The following CAMSAP2 variants were observed in gnomAD, a reference collection of about 807,000 sequenced individuals.
CAMSAP2 encodes calmodulin-regulated spectrin-associated protein 2.
In CAMSAP2, 26 loss-of-function variants were observed where a neutral mutation model predicts 146.1. The observed-to-expected ratio is 0.18, with a 90% CI of 0.13 to 0.25. The LOEUF is 0.25. Ranked by LOEUF, CAMSAP2 falls within the 10% of genes least tolerant of loss-of-function variation. The pLI is 1.00. For synonymous variants in CAMSAP2, 499 were observed against 596.6 expected (o/e 0.84, Z 2.38); for missense variants, 1,381 against 1,759.3 (o/e 0.78, Z 3.85).
At chr1:200,817,337 T>G (rs1409521104) in intron 4 of CAMSAP2, among the ~76,000 whole-genome samples, 1 of 148,946 alleles carries the variant, frequency 6.7e-6, no homozygotes, top group East Asian at 2.0e-4. Context: ...AGAAGAAACA[T>G]TAACATGGAT....
intron 1 of CAMSAP2, among the ~76,000 whole-genome samples, chr1:200,756,483 A>T (rs548915545): frequency 1.3e-5 from 2 of 152,162 alleles, no homozygotes; most frequent in East Asian, 1.9e-4. Context: ...AAGAAAAAAA[A>T]GTAAGTGGTG....
intron 4 of CAMSAP2, among the ~76,000 whole-genome samples, chr1:200,830,386 G>A (rs1667012564): frequency 6.6e-6 from 1 of 152,224 alleles, no homozygotes; most frequent in South Asian, 2.1e-4. Flanking sequence ...GCAGGAGGGA[G>A]TAGAACAAAT....
chr1:200,851,285 C>T (rs1329994522), intron 11 of CAMSAP2, among the ~76,000 whole-genome samples: 7 of 152,212 alleles, frequency 4.6e-5, no homozygotes, highest in Admixed American at 6.5e-5. Context: ...ACCACAACCT[C>T]CGCCTCCTGG....
chr1:200,855,876 T>G, intron 14 of CAMSAP2, 134 bp from the exon 15 acceptor site: 3 of 615,940 alleles, frequency 4.9e-6, no homozygotes, highest in Non-Finnish European at 8.7e-6. Flanking sequence ...ATTACAGGCA[T>G]GAGCCACCGC....
Position 200,759,790 on chromosome 1 carries a change from A to T in CAMSAP2, c.140-1049A>T, listed in dbSNP as rs553303883. On this transcript the variant is annotated intron_variant, in intron 1 of 16. Transcript: ENST00000358823. ...GCTCCATGTTAACCTCTAACTCAGA[A>T]GCCCTACCTCTGGGGGACATACCTC... Among the ~76,000 whole-genome samples, 3 of 152,286 alleles carry T rather than the reference A, an allele frequency of 2.0e-5. No individual in the cohort carries two copies. The South Asian group carries it at 6.2e-4, about 32-fold the overall frequency.
rs189602702 is a variant in CAMSAP2 at position 200,748,685 on chromosome 1, A to C, written c.139+8719A>C. Among the ~76,000 whole-genome samples the C allele has an allele frequency of 1.4e-3, 220 of 152,042 alleles. 1 individual carries two copies. Among genetic ancestry groups the C allele is most frequent in the African/African-American group, 5.2e-3 (217 of 41,482 alleles). On this transcript the variant is annotated intron_variant, in intron 1 of 16. Transcript: ENST00000358823. ...CAGTTTGGAGCTCCATGATATTAAC[A>C]AGTTTCTCTTTGTCCTCTGTATTCG... is the stretch of plus-strand genomic sequence containing the variant.
chr1:200,780,217 T>A (rs1327274694), intron 2 of CAMSAP2, among the ~76,000 whole-genome samples: 7 of 152,246 alleles, frequency 4.6e-5, no homozygotes, highest in African/African-American at 1.7e-4. Context: ...ATTAGTGTTT[T>A]AAAGGATCCT....
chr1:200,841,939 C>T (rs1667333203), intron 6 of CAMSAP2, 55 bp from the exon 7 acceptor site: 1 of 1,198,150 alleles, frequency 8.3e-7, no homozygotes, highest in South Asian at 1.2e-5. Context: ...CAATAAAATT[C>T]TGTTTATCAT....
rs1667662689 is a variant in CAMSAP2 at position 200,853,011 on chromosome 1, A to G, written c.3603-264A>G. Among the ~76,000 whole-genome samples the G allele has an allele frequency of 1.8e-5, 2 of 113,392 alleles. No homozygotes were observed. Among genetic ancestry groups the G allele is most frequent in the South Asian group, 2.6e-4 (1 of 3,898 alleles). 74.4% of individuals were successfully genotyped at this position (113,392 alleles called of 152,430 possible). On this transcript the variant is annotated intron_variant, in intron 12 of 16. Coordinates refer to ENST00000358823, the MANE Select transcript of CAMSAP2 (RefSeq NM_203459.4). This position sits in a 1 kb window ranked among gnomAD's most constrained non-coding sequence, Gnocchi z 5.1. ...ACTTTCCTGGGAGATACACACACAC[A>G]CACACACACACACACACACGACCTA...
chr1:200,748,843 C>A (rs1188625733), intron 1 of CAMSAP2, among the ~76,000 whole-genome samples: 1 of 151,162 alleles, frequency 6.6e-6, no homozygotes, highest in East Asian at 1.9e-4. Context: ...TCTATCATGA[C>A]TTCTCTATTT....
chr1:200,853,547 G>A lies in CAMSAP2; in HGVS notation c.3823+52G>A. 7.3e-7 allele frequency: 1 copy of A among 1,378,566 alleles called. No homozygotes were observed. Among genetic ancestry groups the A allele is most frequent in the South Asian group, 1.2e-5 (1 of 82,040 alleles). The allele number at this position is 1,378,566 out of a possible 1,614,324, so 85.4% of individuals were successfully genotyped here. ...GTTCATAAAAAACACCAGCTTGATT[G>A]GTTTGTCATACTAACTTGGTTGTAC... On this transcript the variant is annotated intron_variant, in intron 13 of 16. Transcript: ENST00000358823. The surrounding 1 kb of genome is among the most constrained non-coding windows in gnomAD (Gnocchi z 5.1).
intron 1 of CAMSAP2, among the ~76,000 whole-genome samples, chr1:200,741,712 C>T (rs997700107): frequency 4.6e-5 from 7 of 152,002 alleles, no homozygotes; most frequent in South Asian, 2.1e-4. Flanking sequence ...CAGGCAGGTT[C>T]GTAGATTCTA....
intron 2 of CAMSAP2, among the ~76,000 whole-genome samples, chr1:200,770,221 A>T (rs1665077740): frequency 6.6e-6 from 1 of 152,202 alleles, no homozygotes. Context: ...AATGTAATGT[A>T]TGATATAGGT....
At chr1:200,838,082 G>A (rs1222440748) in intron 6 of CAMSAP2, among the ~76,000 whole-genome samples, 2 of 152,130 alleles carry the variant, frequency 1.3e-5, no homozygotes, top group East Asian at 3.8e-4. Context: ...ATTTATTGCT[G>A]TTTAATCGTC....
chr1:200,819,013 C>G, intron 4 of CAMSAP2, among the ~76,000 whole-genome samples: 1 of 152,140 alleles, frequency 6.6e-6, no homozygotes, highest in South Asian at 2.1e-4. Flanking sequence ...ACTCAGATGT[C>G]CAGTAGAATT....
chr1:200,857,266 G>A lies in CAMSAP2; in HGVS notation c.4013-40G>A. ...TAAAATAGTAGTATTTCTGACTTAG[G>A]AATGTTATTTTTATTATTGTTGTTA... On this transcript the variant is annotated intron_variant, in intron 15 of 16. Coordinates refer to ENST00000358823, the MANE Select transcript of CAMSAP2 (RefSeq NM_203459.4). The surrounding 1 kb of genome is among the most constrained non-coding windows in gnomAD (Gnocchi z 4.7). 1 of 1,254,922 alleles carries A rather than the reference G, an allele frequency of 8.0e-7. No individual in the cohort carries two copies. The highest frequency in any genetic ancestry group is 1.2e-6 in the Non-Finnish European group (1 of 859,220). 77.7% of individuals were successfully genotyped at this position (1,254,922 alleles called of 1,614,324 possible). A position where few individuals can be genotyped will look rare whatever the true frequency, so the allele number is the denominator to read the frequency against.
intron 1 of CAMSAP2, among the ~76,000 whole-genome samples, chr1:200,746,170 A>T (rs562151944): frequency 2.6e-5 from 4 of 152,206 alleles, no homozygotes; most frequent in Admixed American, 6.5e-5. Flanking sequence ...TTTTACCACA[A>T]TTTTTAAAAA....
At chr1:200,817,079 TACACACACACGTATATATGTATAC>T (rs1198110726) in intron 4 of CAMSAP2, among the ~76,000 whole-genome samples, 2 of 142,806 alleles carry the variant, frequency 1.4e-5, no homozygotes, top group African/African-American at 2.5e-5. Flanking sequence ...TATATGTGTA[TACACACACACGTATATATGTATAC>T]ACACACGTGT....
At chr1:200,797,839 G>A (rs1571765607) in intron 2 of CAMSAP2, among the ~76,000 whole-genome samples, 2 of 136,822 alleles carry the variant, frequency 1.5e-5, no homozygotes, top group East Asian at 4.4e-4. Context: ...ATCTTGAATT[G>A]ATTTTTGTAT....
Sources: gnomAD v4.1 joint callset for allele counts (sites outside exome capture counted in the v4.1 genomes callset) on GRCh38, gnomAD v4.1.1 for gene constraint, Gnocchi (gnomAD v3.1) non-coding constraint, MANE v1.5 for transcripts, NCBI Gene and HGNC (gene_info 2026-07-23, HGNC 2026-07-21) for gene names.